Variants in TNPO1 observed in about 807,000 individuals in gnomAD.
TNPO1 encodes transportin-1.
Under a neutral mutation model 119.5 loss-of-function variants are expected in TNPO1, and 8 were observed. The ratio of observed to expected loss-of-function variants is 0.07; its 90% CI spans 0.04 to 0.12. TNPO1 has a LOEUF of 0.12. TNPO1 is among the 10% of genes least tolerant of loss of function. The probability of loss-of-function intolerance (pLI) is 1.00; values close to 1 mark genes in which losing one functional copy is unlikely to be tolerated. For synonymous variants in TNPO1, 362 were observed against 363.0 expected (o/e 1.00, Z 0.03); for missense variants, 576 against 1,089.8 (o/e 0.53, Z 6.64).
At chr5:72,875,550 C>A (rs894940961) in intron 7 of TNPO1, 65 bp from the exon 8 acceptor site, 4 of 1,536,576 alleles carry the variant, frequency 2.6e-6, no homozygotes, top group Admixed American at 1.8e-5. Flanking sequence ...CACCAACTTG[C>A]AGATTACTTA....
chr5:72,865,495 C>G lies in TNPO1; in HGVS notation c.463-101C>G. 2.3e-6 allele frequency: 3 copies of G among 1,305,946 alleles called. No individual in the cohort carries two copies. The South Asian group carries it at 4.0e-5, about 18-fold the overall frequency. The allele number at this position is 1,305,946 out of a possible 1,614,324, so 80.9% of individuals were successfully genotyped here. A position where few individuals can be genotyped will look rare whatever the true frequency, so the allele number is the denominator to read the frequency against. ...GATTTTAGAAGGCATTTTATGTGGG[C>G]TGAGAACATTAGTCCATACAAATTA... On this transcript the variant is annotated intron_variant, in intron 5 of 24. Coordinates refer to ENST00000337273, the MANE Select transcript of TNPO1 (RefSeq NM_002270.4).
intron 6 of TNPO1, among the ~76,000 whole-genome samples, chr5:72,868,932 C>T (rs371310414): frequency 5.3e-5 from 8 of 151,944 alleles, no homozygotes; most frequent in East Asian, 1.9e-4. Flanking sequence ...CACTTGAACC[C>T]GGGAGGCGGA....
intron 4 of TNPO1, among the ~76,000 whole-genome samples, chr5:72,860,532 A>G (rs1224089352): frequency 6.6e-6 from 1 of 152,264 alleles, no homozygotes; most frequent in Non-Finnish European, 1.5e-5. Flanking sequence ...ACTCTACTGC[A>G]TAACACAGTT....
chr5:72,883,021 C>A (rs767553287), intron 10 of TNPO1, 43 bp from the exon 11 acceptor site: 1 of 1,397,074 alleles, frequency 7.2e-7, no homozygotes, highest in Admixed American at 1.7e-5. Context: ...TACTATTAGC[C>A]TATAATGAAT....
intron 5 of TNPO1, among the ~76,000 whole-genome samples, chr5:72,863,399 G>A (rs919787125): frequency 1.3e-5 from 2 of 152,088 alleles, no homozygotes; most frequent in Non-Finnish European, 2.9e-5. Flanking sequence ...ATGAGTTCAA[G>A]ACCAGCCTGG....
Position 72,903,777 on chromosome 5 carries a change from C to A in TNPO1, c.2583C>A (p.Phe861Leu). ...INPKDDLRDM[F>L]CKILHGFKNQ... ...CAAAAGATGATCTCAGAGACATGTT[C>A]TGTAAGGTAACTAATAAGTCTTTAT... Residue 861 changes from phenylalanine to leucine, a missense_variant, in exon 23 of 25, where the codon TTC (phenylalanine) becomes TTA (leucine). Phe to Leu is a conservative substitution (Grantham distance 22, BLOSUM62 0). Coordinates refer to ENST00000337273, the MANE Select transcript of TNPO1 (RefSeq NM_002270.4). 1 of 1,600,406 alleles carries A rather than the reference C, an allele frequency of 6.2e-7. No individual in the cohort carries two copies. The highest frequency in any genetic ancestry group is 1.1e-5 in the South Asian group (1 of 89,026).
At chr5:72,818,773 A>T (rs1743813649) in intron 1 of TNPO1, among the ~76,000 whole-genome samples, 2 of 119,124 alleles carry the variant, frequency 1.7e-5, no homozygotes, top group African/African-American at 5.3e-5. Context: ...CAGCAAAAGG[A>T]TGAGAAAGCT....
At chr5:72,903,644 A>G (rs111592336) in intron 22 of TNPO1, 65 bp from the exon 23 acceptor site, 15 of 1,055,622 alleles carry the variant, frequency 1.4e-5, no homozygotes, top group African/African-American at 1.1e-4. Flanking sequence ...TGAGGTTTAC[A>G]TATATCTTTT....
intron 2 of TNPO1, among the ~76,000 whole-genome samples, chr5:72,850,184 C>G (rs1422628196): frequency 3.3e-5 from 5 of 152,148 alleles, no homozygotes; most frequent in Non-Finnish European, 5.9e-5. Flanking sequence ...CTTTTGAGTA[C>G]TTTTTGAAAG....
At chr5:72,834,495 G>A (rs878975376) in intron 1 of TNPO1, among the ~76,000 whole-genome samples, 1 of 152,066 alleles carries the variant, frequency 6.6e-6, no homozygotes, top group Admixed American at 6.6e-5. Flanking sequence ...GTGTGTGTTC[G>A]TGTCTTCATT....
intron 22 of TNPO1, 50 bp from the exon 23 acceptor site, chr5:72,903,659 A>T: frequency 7.9e-7 from 1 of 1,267,062 alleles, no homozygotes. Context: ...TCTTTTGCTG[A>T]GTTTGACAAA....
At chr5:72,836,839 A>G (rs1481942725) in intron 1 of TNPO1, among the ~76,000 whole-genome samples, 1 of 152,230 alleles carries the variant, frequency 6.6e-6, no homozygotes, top group Non-Finnish European at 1.5e-5. Flanking sequence ...ATGCTAGGAC[A>G]TGAACACAAT....
chr5:72,825,488 C>T (rs1744164877), intron 1 of TNPO1, among the ~76,000 whole-genome samples: 1 of 152,086 alleles, frequency 6.6e-6, no homozygotes, highest in African/African-American at 2.4e-5. Context: ...GAGATCGAGA[C>T]CATCCTGGCT....
intron 18 of TNPO1, among the ~76,000 whole-genome samples, chr5:72,895,699 G>A (rs1272459001): frequency 2.0e-5 from 3 of 152,140 alleles, no homozygotes; most frequent in Non-Finnish European, 1.5e-5. Flanking sequence ...TATATAGGGA[G>A]ACATTTCCCA....
intron 21 of TNPO1, 32 bp downstream of exon 21, chr5:72,900,113 A>G: frequency 6.5e-7 from 1 of 1,548,696 alleles, no homozygotes; most frequent in Non-Finnish European, 8.9e-7. Flanking sequence ...TTTTTAATTC[A>G]TTTTTCTTCA....
chr5:72,898,587 G>T (rs1749608730), intron 20 of TNPO1, among the ~76,000 whole-genome samples: 1 of 152,056 alleles, frequency 6.6e-6, no homozygotes, highest in Non-Finnish European at 1.5e-5. Flanking sequence ...CTAATATCTA[G>T]ATTTTAGCAG....
intron 3 of TNPO1, among the ~76,000 whole-genome samples, chr5:72,854,404 T>G (rs1745822384): frequency 6.6e-6 from 1 of 152,222 alleles, no homozygotes; most frequent in Non-Finnish European, 1.5e-5. Flanking sequence ...TTCAGTGCCA[T>G]TCAGAGTTTG....
intron 1 of TNPO1, among the ~76,000 whole-genome samples, chr5:72,837,973 TCTG>T (rs1744756270): frequency 6.6e-6 from 1 of 152,238 alleles, no homozygotes; most frequent in South Asian, 2.1e-4. Flanking sequence ...AAAAGTTTTT[TCTG>T]CTATGTCTCT....
intron 1 of TNPO1, among the ~76,000 whole-genome samples, chr5:72,831,095 CT>C (rs1744435759): frequency 6.6e-6 from 1 of 151,958 alleles, no homozygotes; most frequent in South Asian, 2.1e-4. Flanking sequence ...AACATAAGTA[CT>C]TTAGATTTAT....
Sources: gnomAD v4.1 joint callset for allele counts (sites outside exome capture counted in the v4.1 genomes callset) on GRCh38, gnomAD v4.1.1 for gene constraint, MANE v1.5 for transcripts, NCBI Gene and HGNC (gene_info 2026-07-23, HGNC 2026-07-21) for gene names.